The following SEL1L2 variants were observed in gnomAD, a reference collection of about 807,000 sequenced individuals.
The protein encoded by SEL1L2 is protein sel-1 homolog 2.
Under a neutral mutation model 98.8 loss-of-function variants are expected in SEL1L2, and 89 were observed. The observed-to-expected ratio is 0.90, with a 90% CI of 0.76 to 1.07. The LOEUF (loss-of-function observed/expected upper bound fraction) is 1.07. SEL1L2 is among the 50% of genes least tolerant of loss of function. SEL1L2 has a pLI of 0.00. For missense variants in SEL1L2, 788 were observed against 812.0 expected (o/e 0.97, Z 0.36); for synonymous variants, 262 against 278.5 (o/e 0.94, Z 0.59).
At chr20:13,875,983 G>T in intron 12 of SEL1L2, 55 bp downstream of exon 12, 1 of 1,337,882 alleles carries the variant, frequency 7.5e-7, no homozygotes, top group Non-Finnish European at 1.1e-6. Flanking sequence ...ACCAGTCTGC[G>T]TGTAATAAAA....
chr20:13,941,740 G>C (rs2049786739), intron 2 of SEL1L2, among the ~76,000 whole-genome samples: 1 of 152,140 alleles, frequency 6.6e-6, no homozygotes, highest in Admixed American at 6.5e-5. Flanking sequence ...CAAATTGGGT[G>C]CCTATATATG....
chr20:13,983,043 A>AAAAAAAAAAAAC (rs1390544671), intron 1 of SEL1L2, among the ~76,000 whole-genome samples: 1 of 144,138 alleles, frequency 6.9e-6, no homozygotes, highest in East Asian at 2.0e-4. Context: ...AAAAAAAAAA[A>AAAAAAAAAAAAC]AAAAAGCAGC....
chr20:13,907,711 T>TTTCG (rs775596681), intron 5 of SEL1L2, among the ~76,000 whole-genome samples: 1 of 106,246 alleles, frequency 9.4e-6, no homozygotes, highest in African/African-American at 4.2e-5. Flanking sequence ...TCTTTCTTTC[T>TTTCG]TTCTTTCTTT....
At chr20:13,932,204 T>C (rs766293115) in intron 2 of SEL1L2, among the ~76,000 whole-genome samples, 1 of 152,100 alleles carries the variant, frequency 6.6e-6, no homozygotes, top group Non-Finnish European at 1.5e-5. Flanking sequence ...AAAAACAATA[T>C]TTCCCAAAAG....
intron 1 of SEL1L2, among the ~76,000 whole-genome samples, chr20:13,973,660 C>A (rs2051389123): frequency 6.6e-6 from 1 of 152,148 alleles, no homozygotes; most frequent in Non-Finnish European, 1.5e-5. Flanking sequence ...CGATTTGTCT[C>A]TTTTTGCACT....
intron 1 of SEL1L2, among the ~76,000 whole-genome samples, chr20:13,958,520 G>A (rs968393375): frequency 6.6e-6 from 1 of 152,130 alleles, no homozygotes; most frequent in African/African-American, 2.4e-5. Context: ...AAGCAAACTT[G>A]AGCGATTTTC....
chr20:13,969,840 G>A (rs757286436), intron 1 of SEL1L2, among the ~76,000 whole-genome samples: 24 of 152,200 alleles, frequency 1.6e-4, no homozygotes, highest in African/African-American at 7.2e-5. Flanking sequence ...TATCTGTTAA[G>A]TGACTAAATA....
chr20:13,854,336 T>C (rs1219616463), intron 18 of SEL1L2, among the ~76,000 whole-genome samples: 2 of 152,190 alleles, frequency 1.3e-5, no homozygotes, highest in East Asian at 1.9e-4. Context: ...TTCCTATCCA[T>C]TGTCTTTAAA....
chr20:13,903,703 A>G (rs1415427332), intron 5 of SEL1L2, among the ~76,000 whole-genome samples: 1 of 152,024 alleles, frequency 6.6e-6, no homozygotes, highest in African/African-American at 2.4e-5. Context: ...CCCAGCTACT[A>G]CTGAGGCTGA....
intron 11 of SEL1L2, 29 bp downstream of exon 11, chr20:13,877,490 GA>G: frequency 6.5e-7 from 1 of 1,544,486 alleles, no homozygotes; most frequent in Non-Finnish European, 8.9e-7. Flanking sequence ...TTTAATAAAT[GA>G]AAACAATGAA....
At chr20:13,994,609 T>C (rs563487935), upstream of SEL1L2, among the ~76,000 whole-genome samples, 1 of 152,264 alleles carries the variant, frequency 6.6e-6, no homozygotes, top group South Asian at 2.1e-4. Context: ...AACTTCTAAA[T>C]TATAGGTCAC....
chr20:13,987,784 T>C (rs928913762), intron 1 of SEL1L2, among the ~76,000 whole-genome samples: 1 of 152,250 alleles, frequency 6.6e-6, no homozygotes, highest in Non-Finnish European at 1.5e-5. Flanking sequence ...TCATCTTCTT[T>C]GGGAAAATTT....
intron 5 of SEL1L2, among the ~76,000 whole-genome samples, chr20:13,912,101 C>T (rs867563167): frequency 3.9e-5 from 6 of 152,118 alleles, no homozygotes; most frequent in East Asian, 3.9e-4. Context: ...GAGAAGGATG[C>T]GGTACCCAAT....
chr20:13,887,443 T>C (rs1310755565), intron 8 of SEL1L2, among the ~76,000 whole-genome samples: 1 of 152,188 alleles, frequency 6.6e-6, no homozygotes, highest in Non-Finnish European at 1.5e-5. Context: ...ATTCTGAATG[T>C]TATATTTAGG....
chr20:13,870,041 A>G lies in SEL1L2; in HGVS notation c.1167+100T>C, dbSNP rs930404879. 2.6e-5 allele frequency: 22 copies of G among 836,436 alleles called. 1 individual carries two copies. The highest frequency in any genetic ancestry group is 5.0e-5 in the South Asian group (3 of 59,504). The allele number at this position is 836,436 out of a possible 1,614,324, so 51.8% of individuals were successfully genotyped here. A position where few individuals can be genotyped will look rare whatever the true frequency, so the allele number is the denominator to read the frequency against. On this transcript the variant is annotated intron_variant, in intron 13 of 19. Coordinates refer to ENST00000284951, the MANE Select transcript of SEL1L2 (RefSeq NM_025229.2). ...ATTATCTGATATCACAGTTTGGCAAACCAGATAATAGAGATAAATTCCTTT... is the reference window on the plus strand; with the variant it reads ...ATTATCTGATATCACAGTTTGGCAAGCCAGATAATAGAGATAAATTCCTTT...
chr20:13,974,882 TTGGGAATTC>T (rs1281181867), intron 1 of SEL1L2, among the ~76,000 whole-genome samples: 2 of 152,206 alleles, frequency 1.3e-5, no homozygotes, highest in African/African-American at 2.4e-5. Context: ...ATTTTGTCTC[TTGGGAATTC>T]CTGATGATTT....
intron 2 of SEL1L2, among the ~76,000 whole-genome samples, chr20:13,937,841 G>A (rs2049531333): frequency 6.6e-6 from 1 of 152,178 alleles, no homozygotes; most frequent in Admixed American, 6.5e-5. Flanking sequence ...TTCCTTAAAG[G>A]AAGGAACGTG....
chr20:13,887,753 T>G lies in SEL1L2; in HGVS notation c.745+16A>C. ...GGCAACTGTTTATTTTAAAATAAATTATGTGGATTACTTACTATAATCTGC... is the reference window on the plus strand; with the variant it reads ...GGCAACTGTTTATTTTAAAATAAATGATGTGGATTACTTACTATAATCTGC... On this transcript the variant is annotated intron_variant, in intron 8 of 19. Transcript: ENST00000284951. 1.3e-6 allele frequency: 2 copies of G among 1,500,850 alleles called. No homozygotes were observed. Among genetic ancestry groups the G allele is most frequent in the Non-Finnish European group, 1.8e-6 (2 of 1,081,422 alleles). The allele number at this position is 1,500,850 out of a possible 1,614,324, so 93.0% of individuals were successfully genotyped here. A position where few individuals can be genotyped will look rare whatever the true frequency, so the allele number is the denominator to read the frequency against.
At chr20:13,962,504 A>G (rs2148473471) in intron 1 of SEL1L2, among the ~76,000 whole-genome samples, 1 of 152,318 alleles carries the variant, frequency 6.6e-6, no homozygotes, top group East Asian at 1.9e-4. Context: ...AAACTGCATG[A>G]GAGTGAGTCC....
Sources: gnomAD v4.1 joint callset for allele counts (sites outside exome capture counted in the v4.1 genomes callset) on GRCh38, gnomAD v4.1.1 for gene constraint, MANE v1.5 for transcripts, NCBI Gene and HGNC (gene_info 2026-07-23, HGNC 2026-07-21) for gene names.